The following LRRC4C variants were observed in gnomAD, a reference collection of about 807,000 sequenced individuals.
LRRC4C encodes the protein leucine-rich repeat-containing protein 4C.
LRRC4C carries 5 observed loss-of-function variants against 33.6 expected under a neutral mutation model. That is an observed-to-expected ratio of 0.15 (90% CI 0.08 to 0.31). The LOEUF (loss-of-function observed/expected upper bound fraction) is 0.31. Among genes scored for constraint, LRRC4C ranks in the 10% least tolerant of loss-of-function variants. LRRC4C has a pLI of 1.00. For synonymous variants in LRRC4C, 329 were observed against 302.0 expected, an observed-to-expected ratio of 1.09 and a Z score of -0.93; for missense variants, 560 against 796.7, an observed-to-expected ratio of 0.70 and a Z score of 3.58.
chr11:40,154,632 G>T (rs1057463434), intron 5 of LRRC4C, among the ~76,000 whole-genome samples: 38 of 152,112 alleles, frequency 2.5e-4, no homozygotes, highest in African/African-American at 9.2e-4. Flanking sequence ...ATGGTAAAAG[G>T]CCTTGTCCCA....
intron 2 of LRRC4C, among the ~76,000 whole-genome samples, chr11:40,872,563 C>A (rs1954704985): frequency 6.6e-6 from 1 of 151,860 alleles, no homozygotes; most frequent in East Asian, 1.9e-4. Context: ...TCTTAAAGAC[C>A]ACTACTTTGA....
chr11:40,731,510 A>G (rs1591574112), intron 2 of LRRC4C, among the ~76,000 whole-genome samples: 3 of 152,182 alleles, frequency 2.0e-5, no homozygotes, highest in Admixed American at 2.0e-4. Context: ...TGAGCCAATT[A>G]AATTTCTTTT....
intron 1 of LRRC4C, among the ~76,000 whole-genome samples, chr11:41,418,406 C>T (rs901475773): frequency 6.6e-6 from 1 of 151,886 alleles, no homozygotes; most frequent in African/African-American, 2.4e-5. Flanking sequence ...AAATTTTGTG[C>T]AGGTATAAAT....
At chr11:41,167,962 A>C (rs1944803676) in intron 1 of LRRC4C, among the ~76,000 whole-genome samples, 1 of 152,216 alleles carries the variant, frequency 6.6e-6, no homozygotes, top group South Asian at 2.1e-4. Flanking sequence ...AATGCAAATC[A>C]AGTGGTCCAA....
At chr11:40,578,859 G>A (rs1286524801) in intron 3 of LRRC4C, among the ~76,000 whole-genome samples, 2 of 152,048 alleles carry the variant, frequency 1.3e-5, no homozygotes, top group Admixed American at 1.3e-4. Flanking sequence ...TTTTTTTATT[G>A]CAGAATTTCT....
chr11:41,107,606 T>G (rs1941582277), intron 1 of LRRC4C, among the ~76,000 whole-genome samples: 1 of 152,074 alleles, frequency 6.6e-6, no homozygotes, highest in Non-Finnish European at 1.5e-5. Context: ...GATTTTATTA[T>G]GTCACTAAGA....
intron 3 of LRRC4C, among the ~76,000 whole-genome samples, chr11:40,411,188 C>T (rs894150559): frequency 1.2e-4 from 18 of 152,012 alleles, no homozygotes; most frequent in South Asian, 6.2e-4. Flanking sequence ...TGAATTTTAT[C>T]GTTGTTAGAC....
At chr11:40,186,574 G>A (rs948866441) in intron 5 of LRRC4C, among the ~76,000 whole-genome samples, 3 of 152,156 alleles carry the variant, frequency 2.0e-5, no homozygotes, top group African/African-American at 4.8e-5. Context: ...ATGGTCACAC[G>A]GATGTATGAC....
At chr11:40,906,234 G>A (rs1213489151) in intron 2 of LRRC4C, among the ~76,000 whole-genome samples, 1 of 152,262 alleles carries the variant, frequency 6.6e-6, no homozygotes, top group Non-Finnish European at 1.5e-5. Context: ...GTATAGGCCA[G>A]GAGCAGTGGC....
chr11:40,536,702 T>C (rs1202420425), intron 3 of LRRC4C, among the ~76,000 whole-genome samples: 1 of 152,244 alleles, frequency 6.6e-6, no homozygotes, highest in Non-Finnish European at 1.5e-5. Context: ...GCTCTTTTTT[T>C]TTCAAATCTC....
At chr11:41,087,199 G>T (rs562746869) in intron 1 of LRRC4C, among the ~76,000 whole-genome samples, 13 of 152,048 alleles carry the variant, frequency 8.5e-5, no homozygotes, top group African/African-American at 2.9e-4. Context: ...TATCAGTCTC[G>T]TTTTTCCATT....
chr11:40,118,548 T>C (rs531521228), intron 6 of LRRC4C, among the ~76,000 whole-genome samples: 15 of 150,414 alleles, frequency 1.0e-4, no homozygotes, highest in South Asian at 6.4e-4. Flanking sequence ...ACCAAGGAGG[T>C]TTCAAAGAAG....
chr11:40,848,114 A>G (rs1953285466), intron 2 of LRRC4C, among the ~76,000 whole-genome samples: 2 of 149,720 alleles, frequency 1.3e-5, no homozygotes, highest in African/African-American at 4.9e-5. Context: ...CCCTGGATTG[A>G]TTTTTTGATG....
intron 1 of LRRC4C, among the ~76,000 whole-genome samples, chr11:41,133,967 C>T (rs184356830): frequency 6.6e-6 from 1 of 152,280 alleles, no homozygotes; most frequent in East Asian, 1.9e-4. Context: ...CTCCTGCCTT[C>T]CTGAAGTATA....
At position 40,241,595 on chromosome 11, in the gene LRRC4C, T is replaced by C. The variant is rs942995467; in HGVS notation, c.-172A>G. 1 of 152,138 alleles carries C rather than the reference T, an allele frequency of 6.6e-6. No homozygotes were observed. Among genetic ancestry groups the C allele is most frequent in the Non-Finnish European group, 1.5e-5 (1 of 68,038 alleles). 9.4% of individuals were successfully genotyped at this position (152,138 alleles called of 1,614,324 possible). On this transcript the variant is annotated 5_prime_UTR_variant, in exon 5 of 7. Coordinates refer to ENST00000528697, the MANE Select transcript of LRRC4C (RefSeq NM_001258419.2). ...CCCTTCTTTCTCACTCTCAGTTTCT[T>C]GCTCTGCAAAATGAGGTGATTGAAA...
chr11:40,937,650 G>GGTT (rs1166646395), intron 1 of LRRC4C, among the ~76,000 whole-genome samples: 1 of 137,996 alleles, frequency 7.2e-6, no homozygotes, highest in Admixed American at 7.1e-5. Flanking sequence ...TGTGTAGGGT[G>GGTT]GTTGTTGTTG....
chr11:41,450,869 T>C (rs1407827729), intron 1 of LRRC4C, among the ~76,000 whole-genome samples: 1 of 152,144 alleles, frequency 6.6e-6, no homozygotes, highest in East Asian at 1.9e-4. Context: ...TGCTTCACAA[T>C]ATACATATTT....
intron 3 of LRRC4C, among the ~76,000 whole-genome samples, chr11:40,484,328 G>T (rs1186918866): frequency 6.6e-6 from 1 of 151,872 alleles, no homozygotes; most frequent in Admixed American, 6.6e-5. Flanking sequence ...CATCAATAGG[G>T]AACATGAAAA....
chr11:40,960,580 G>T (rs968359035), intron 1 of LRRC4C, among the ~76,000 whole-genome samples: 2 of 151,678 alleles, frequency 1.3e-5, no homozygotes, highest in African/African-American at 2.4e-5. Context: ...GTTCTTACTG[G>T]AAATTAAGTT....
Sources: allele counts gnomAD v4.1 joint callset (sites outside exome capture counted in the v4.1 genomes callset), GRCh38; gene constraint gnomAD v4.1.1; transcripts MANE v1.5; gene names NCBI Gene and HGNC (gene_info 2026-07-23, HGNC 2026-07-21).